The following SYN3 variants were observed in gnomAD, a reference collection of about 807,000 sequenced individuals.
The protein encoded by SYN3 is synapsin-3.
Under a neutral mutation model 65.8 loss-of-function variants are expected in SYN3, and 35 were observed. The observed-to-expected ratio is 0.53, with a 90% CI of 0.41 to 0.70. The LOEUF (loss-of-function observed/expected upper bound fraction) is 0.70, where lower values mean the gene tolerates loss of function less well. SYN3 is among the 30% of genes least tolerant of loss of function. SYN3 has a pLI of 0.00. For synonymous variants in SYN3, 270 were observed against 292.9 expected, an observed-to-expected ratio of 0.92 and a Z score of 0.80; for missense variants, 680 against 749.0, an observed-to-expected ratio of 0.91 and a Z score of 1.08.
At chr22:32,701,507 A>G (rs2060810170) in intron 6 of SYN3, among the ~76,000 whole-genome samples, 1 of 152,220 alleles carries the variant, frequency 6.6e-6, no homozygotes, top group Admixed American at 6.5e-5. Flanking sequence ...AAGGACCATT[A>G]AAAAGCTGCT....
chr22:32,628,346 G>A (rs1428927577), intron 6 of SYN3, among the ~76,000 whole-genome samples: 3 of 152,146 alleles, frequency 2.0e-5, no homozygotes, highest in Non-Finnish European at 2.9e-5. Flanking sequence ...CTTTCACAAG[G>A]TATATTGAAG....
intron 6 of SYN3, among the ~76,000 whole-genome samples, chr22:32,787,816 C>T (rs1022925960): frequency 3.3e-5 from 5 of 152,044 alleles, no homozygotes; most frequent in Admixed American, 6.5e-5. Flanking sequence ...CACACCTCCC[C>T]GAGAAGGTAA....
chr22:32,682,753 A>C (rs2060540529), intron 6 of SYN3, among the ~76,000 whole-genome samples: 1 of 3,364 alleles, frequency 3.0e-4, no homozygotes, highest in South Asian at 0.022. Context: ...ATTCTGGGTG[A>C]TGTTATTTTT....
intron 3 of SYN3, among the ~76,000 whole-genome samples, chr22:32,954,099 CAACAAAACAAAACAAAACAA>C (rs199873334): frequency 1.7e-4 from 25 of 145,238 alleles, no homozygotes; most frequent in South Asian, 6.9e-4. Context: ...TACCCACACC[CAACAAAACAAAACAAAACAA>C]AACAAAACAA....
intron 4 of SYN3, among the ~76,000 whole-genome samples, chr22:32,897,168 T>C (rs1462714806): frequency 6.6e-6 from 1 of 152,146 alleles, no homozygotes; most frequent in Non-Finnish European, 1.5e-5. Context: ...CTGAGGCCTC[T>C]CTAGAATGTG....
At chr22:32,597,838 T>C (rs1487322116) in intron 6 of SYN3, among the ~76,000 whole-genome samples, 1 of 152,110 alleles carries the variant, frequency 6.6e-6, no homozygotes, top group Non-Finnish European at 1.5e-5. Context: ...CTAGGAGGCA[T>C]GCATGCTTCT....
intron 1 of SYN3, among the ~76,000 whole-genome samples, chr22:33,048,822 G>C (rs1257954859): frequency 1.3e-5 from 2 of 152,180 alleles, no homozygotes; most frequent in African/African-American, 4.8e-5. Flanking sequence ...GAAGGTATTA[G>C]AGGCTGTTTA....
At chr22:32,710,751 T>G (rs11913403) in intron 6 of SYN3, among the ~76,000 whole-genome samples, 43,660 of 151,660 alleles carry the variant, frequency 0.29, 8,778 homozygotes, top group East Asian at 0.66. Flanking sequence ...TGCCATGATT[T>G]TAAGTTTCCT....
Position 32,801,919 on chromosome 22 carries a change from G to A in SYN3, c.711+62996C>T. Reference sequence around the variant, plus strand: ...CACGGCCCGGCGGGCGAGCGAGCTCGGGCTGCAGCAGCCCCGCCGGCGGCG... The same window carrying A: ...CACGGCCCGGCGGGCGAGCGAGCTCAGGCTGCAGCAGCCCCGCCGGCGGCG... On this transcript the variant is annotated intron_variant, in intron 6 of 13. Transcript: ENST00000358763. The surrounding 1 kb of genome is among the most constrained non-coding windows in gnomAD (Gnocchi z 4.7). 1 of 1,473,114 alleles carries A rather than the reference G, an allele frequency of 6.8e-7. No homozygotes were observed. The highest frequency in any genetic ancestry group is 1.3e-5 in the South Asian group (1 of 77,190). 91.3% of individuals were successfully genotyped at this position (1,473,114 alleles called of 1,614,324 possible). A position where few individuals can be genotyped will look rare whatever the true frequency, so the allele number is the denominator to read the frequency against.
rs749974504 is a variant in SYN3 at position 32,847,178 on chromosome 22, G to A, written c.711+17737C>T. ...ATTTCAGGAAGAATCAGTGGTAAAG[G>A]CTGGCAGACATGCCTCTGCACGGAG... On this transcript the variant is annotated intron_variant, in intron 6 of 13. Transcript: ENST00000358763. Among the ~76,000 whole-genome samples the A allele has an allele frequency of 5.3e-4, 80 of 152,320 alleles. 1 individual carries two copies. Among genetic ancestry groups the A allele is most frequent in the Non-Finnish European group, 4.7e-4 (32 of 68,026 alleles).
intron 6 of SYN3, among the ~76,000 whole-genome samples, chr22:32,742,273 GTAAATAAA>G (rs375722365): frequency 1.3e-5 from 2 of 151,398 alleles, no homozygotes; most frequent in African/African-American, 2.4e-5. Context: ...CCATCTCAAA[GTAAATAAA>G]TAAATAAATA....
intron 6 of SYN3, among the ~76,000 whole-genome samples, chr22:32,681,282 C>T (rs1285180449): frequency 6.6e-6 from 1 of 151,094 alleles, no homozygotes; most frequent in African/African-American, 2.4e-5. Flanking sequence ...TGGGATGCTA[C>T]TGGCATCGAG....
At chr22:32,586,133 T>C (rs982813813) in intron 7 of SYN3, among the ~76,000 whole-genome samples, 1 of 150,904 alleles carries the variant, frequency 6.6e-6, no homozygotes, top group Non-Finnish European at 1.5e-5. Context: ...TATATGTATG[T>C]ATATACATAT....
intron 4 of SYN3, among the ~76,000 whole-genome samples, chr22:32,925,001 T>C (rs1411106274): frequency 6.6e-6 from 1 of 151,796 alleles, no homozygotes; most frequent in African/African-American, 2.4e-5. Context: ...CTGAGGTGGG[T>C]GGACCGCTTG....
At chr22:32,575,520 C>A (rs1486552886) in intron 7 of SYN3, among the ~76,000 whole-genome samples, 1 of 152,168 alleles carries the variant, frequency 6.6e-6, no homozygotes, top group African/African-American at 2.4e-5. Flanking sequence ...TCATGACCTG[C>A]GATGCACTGG....
In SYN3 at chr22:32,990,015, T is replaced by C. The variant is rs987620470; in HGVS notation, c.312-9313A>G. Among the ~76,000 whole-genome samples the C allele has an allele frequency of 3.9e-5, 6 of 152,202 alleles. No individual in the cohort carries two copies. The East Asian group carries it at 1.2e-3, about 29-fold the overall frequency. On this transcript the variant is annotated intron_variant, in intron 2 of 13. Transcript: ENST00000358763. ...GCCTTCAGCAAACACTTATTGAGCA[T>C]CTACTAAGGGCCCAACTGGGGAAAT... is the stretch of plus-strand genomic sequence containing the variant.
At chr22:32,557,709 C>T (rs1008013151) in intron 7 of SYN3, among the ~76,000 whole-genome samples, 1 of 152,216 alleles carries the variant, frequency 6.6e-6, no homozygotes, top group East Asian at 1.9e-4. Flanking sequence ...AGGGGAGCCT[C>T]GTGTTCACCC....
intron 6 of SYN3, among the ~76,000 whole-genome samples, chr22:32,842,182 G>T (rs1010720119): frequency 6.6e-6 from 1 of 152,156 alleles, no homozygotes; most frequent in Non-Finnish European, 1.5e-5. Context: ...CAGACCCCAC[G>T]TGCTCCATGC....
intron 6 of SYN3, among the ~76,000 whole-genome samples, chr22:32,604,987 T>G (rs549619062): frequency 7.7e-6 from 1 of 130,292 alleles, no homozygotes; most frequent in Admixed American, 9.1e-5. Context: ...GCCTGGGCGA[T>G]AGAGCGAGAC....
Sources: gnomAD v4.1 joint callset for allele counts (sites outside exome capture counted in the v4.1 genomes callset) on GRCh38, gnomAD v4.1.1 for gene constraint, Gnocchi (gnomAD v3.1) non-coding constraint, MANE v1.5 for transcripts, NCBI Gene and HGNC (gene_info 2026-07-23, HGNC 2026-07-21) for gene names.